VTCN1: variants seen among roughly 807,000 people sequenced by gnomAD.
VTCN1 encodes V-set domain-containing T-cell activation inhibitor 1.
A neutral mutation model predicts 26.5 loss-of-function variants in VTCN1; 26 were observed. That is an observed-to-expected ratio of 0.98 (90% confidence interval 0.72 to 1.36). The LOEUF is 1.36. Ranked by LOEUF, VTCN1 falls within the 40% of genes most tolerant of loss-of-function variation. VTCN1 has a pLI of 0.00. For synonymous variants in VTCN1, 116 were observed against 130.7 expected, an observed-to-expected ratio of 0.89 and a Z score of 0.77; for missense variants, 298 against 337.7, an observed-to-expected ratio of 0.88 and a Z score of 0.92.
rs191598983 is a variant in VTCN1 at position 117,194,093 on chromosome 1, A to G, written c.32+16731T>C. Among the ~76,000 whole-genome samples the G allele has an allele frequency of 6.0e-4, 92 of 152,320 alleles. 1 individual carries two copies. The highest frequency in any genetic ancestry group is 2.0e-3 in the African/African-American group (85 of 41,580). On this transcript the variant is annotated intron_variant, in intron 1 of 5. Coordinates refer to ENST00000369458, the MANE Select transcript of VTCN1 (RefSeq NM_024626.4). ...AAAATGAACAGGCAACCTAAAGAAT[A>G]GAAGAAAATATTTGCAAACCATATA...
intron 1 of VTCN1, among the ~76,000 whole-genome samples, chr1:117,178,588 G>GA (rs374277042): frequency 1.1e-5 from 1 of 88,274 alleles, no homozygotes; most frequent in Non-Finnish European, 2.0e-5. Context: ...TCTTTCTTTC[G>GA]TTTTTTTTTT....
At chr1:117,148,796 T>A (rs540852856) in intron 4 of VTCN1, among the ~76,000 whole-genome samples, 1 of 152,080 alleles carries the variant, frequency 6.6e-6, no homozygotes, top group East Asian at 1.9e-4. Context: ...AATATGTTAA[T>A]AGAGAATGAG....
rs188405273 is a variant in VTCN1, at chr1:117,147,476, A to G, written c.*45+137T>C. 4 of 662,484 alleles carry G rather than the reference A, an allele frequency of 6.0e-6. No individual in the cohort carries two copies. The highest frequency in any genetic ancestry group is 5.5e-5 in the African/African-American group (3 of 54,210). The allele number at this position is 662,484 out of a possible 1,614,324, so 41.0% of individuals were successfully genotyped here. On this transcript the variant is annotated intron_variant, in intron 5 of 5. Transcript: ENST00000369458. This position sits in a 1 kb window ranked among gnomAD's most constrained non-coding sequence, Gnocchi z 4.6. ...CTAACAAATGATTACCTTTCCCAGT[A>G]CTAGTGGAAATAATGTCACAGCCCT...
At chr1:117,163,713 C>T (rs1039048581) in intron 2 of VTCN1, among the ~76,000 whole-genome samples, 2 of 152,080 alleles carry the variant, frequency 1.3e-5, no homozygotes, top group African/African-American at 4.8e-5. Context: ...AGCCTATGCC[C>T]TTTCTACCAT....
At position 117,186,219 on chromosome 1, in the gene VTCN1, C is replaced by T. The variant is rs147507831; in HGVS notation, c.33-16048G>A. ...GGCATAGTTTGGCTTCATAGCTATT[C>T]GAATTTCTGGAATATGTCAATGGTT... is the stretch of plus-strand genomic sequence containing the variant. On this transcript the variant is annotated intron_variant, in intron 1 of 5. Transcript: ENST00000369458. 7.4e-3 allele frequency among the ~76,000 whole-genome samples: 1,121 copies of T among 152,220 alleles called. 17 individuals are homozygous for T. Among genetic ancestry groups the T allele is most frequent in the African/African-American group, 0.025 (1,054 of 41,536 alleles).
chr1:117,187,185 C>T (rs527512411), intron 1 of VTCN1, among the ~76,000 whole-genome samples: 1 of 151,728 alleles, frequency 6.6e-6, no homozygotes, highest in East Asian at 1.9e-4. Context: ...GTGGTGCGCA[C>T]CTGCAGTCCC....
At chr1:117,192,818 C>G (rs1228169022) in intron 1 of VTCN1, among the ~76,000 whole-genome samples, 1 of 151,982 alleles carries the variant, frequency 6.6e-6, no homozygotes, top group Non-Finnish European at 1.5e-5. Flanking sequence ...AAAAAGTAAT[C>G]AAATCACAAA....
chr1:117,152,541 G>C (rs1248535169), intron 4 of VTCN1, among the ~76,000 whole-genome samples: 1 of 152,146 alleles, frequency 6.6e-6, no homozygotes, highest in East Asian at 1.9e-4. Context: ...AGGGTGCTGG[G>C]AGACCAGTTC....
chr1:117,156,424 T>C, intron 3 of VTCN1, 150 bp downstream of exon 3: 1 of 842,068 alleles, frequency 1.2e-6, no homozygotes, highest in Non-Finnish European at 1.8e-6. Context: ...TTGGTGTGAG[T>C]CTTGGCCATA....
intron 1 of VTCN1, among the ~76,000 whole-genome samples, chr1:117,179,839 G>A (rs1360503500): frequency 6.6e-6 from 1 of 152,142 alleles, no homozygotes; most frequent in East Asian, 1.9e-4. Context: ...ACGACCTACG[G>A]AGATAGATAC....
chr1:117,203,791 A>G, intron 1 of VTCN1: 2 of 985,430 alleles, frequency 2.0e-6, no homozygotes, highest in Non-Finnish European at 2.4e-6. Context: ...AGCGGCTGCT[A>G]ATACAGAGAA....
At chr1:117,207,736 A>G (rs1649130215) in intron 1 of VTCN1, among the ~76,000 whole-genome samples, 1 of 151,950 alleles carries the variant, frequency 6.6e-6, no homozygotes, top group Non-Finnish European at 1.5e-5. Flanking sequence ...ACTGCACCCA[A>G]TCCAGAAACA....
chr1:117,169,487 T>A lies in VTCN1; in HGVS notation c.97+620A>T, dbSNP rs770957777. 1.2e-4 allele frequency among the ~76,000 whole-genome samples: 19 copies of A among 152,342 alleles called. No individual in the cohort carries two copies. The highest frequency in any genetic ancestry group is 1.3e-4 in the Non-Finnish European group (9 of 68,040). On this transcript the variant is annotated intron_variant, in intron 2 of 5. Transcript: ENST00000369458. This position sits in a 1 kb window ranked among gnomAD's most constrained non-coding sequence, Gnocchi z 4.0. ...AATGGCTCAGAGGCAGCACTTCACC[T>A]ATGATCCCAGAATGACATCTTCAGC... is the stretch of plus-strand genomic sequence containing the variant.
intron 2 of VTCN1, among the ~76,000 whole-genome samples, chr1:117,158,426 G>A (rs1169410927): frequency 6.6e-6 from 1 of 152,174 alleles, no homozygotes; most frequent in Non-Finnish European, 1.5e-5. Flanking sequence ...GAGACTTGGG[G>A]TTTGCACCCT....
intron 4 of VTCN1, 148 bp downstream of exon 4, chr1:117,152,943 T>G: frequency 1.1e-6 from 1 of 914,524 alleles, no homozygotes; most frequent in Non-Finnish European, 1.6e-6. Flanking sequence ...TGTAATACAA[T>G]CTCAACTGGA....
rs1651398491 is a variant in VTCN1, at chr1:117,144,237, T to G, written c.*1034A>C. The G allele has an allele frequency of 6.6e-6, 1 of 152,170 alleles. No homozygotes were observed. Among genetic ancestry groups the G allele is most frequent in the Non-Finnish European group, 1.5e-5 (1 of 68,082 alleles). The allele number at this position is 152,170 out of a possible 1,614,324, so 9.4% of individuals were successfully genotyped here. A position where few individuals can be genotyped will look rare whatever the true frequency, so the allele number is the denominator to read the frequency against. ...ACAGTTGACACTTCGGATTGGGTAG[T>G]TGTAATGGGGAGACGTCCTGTACAT... On this transcript the variant is annotated 3_prime_UTR_variant, in exon 6 of 6. Transcript: ENST00000369458.
At chr1:117,185,710 A>C (rs1647903413) in intron 1 of VTCN1, among the ~76,000 whole-genome samples, 1 of 152,164 alleles carries the variant, frequency 6.6e-6, no homozygotes, top group South Asian at 2.1e-4. Context: ...CTGCGTGATA[A>C]AATCTTGGTC....
chr1:117,193,314 G>A (rs1648341864), intron 1 of VTCN1, among the ~76,000 whole-genome samples: 2 of 152,046 alleles, frequency 1.3e-5, no homozygotes, highest in Admixed American at 1.3e-4. Flanking sequence ...CAGAATGATT[G>A]AACAGATTTT....
intron 1 of VTCN1, among the ~76,000 whole-genome samples, chr1:117,190,051 G>A (rs535752580): frequency 6.6e-6 from 1 of 152,192 alleles, no homozygotes; most frequent in Non-Finnish European, 1.5e-5. Context: ...AGCCCAGGAG[G>A]AGTCACACAC....
Sources: allele counts gnomAD v4.1 joint callset (sites outside exome capture counted in the v4.1 genomes callset), GRCh38; gene constraint gnomAD v4.1.1; non-coding constraint Gnocchi (gnomAD v3.1); transcripts MANE v1.5; gene names NCBI Gene and HGNC (gene_info 2026-07-23, HGNC 2026-07-21).